EXOC6B: variants seen among roughly 807,000 people sequenced by gnomAD.
EXOC6B encodes SEC15 homolog B.
In EXOC6B, 54 loss-of-function variants were observed where a neutral mutation model predicts 113.5. The observed-to-expected ratio is 0.48, with a 90% CI of 0.38 to 0.60. The LOEUF (loss-of-function observed/expected upper bound fraction) is 0.60. Ranked by LOEUF, EXOC6B falls within the 20% of genes least tolerant of loss-of-function variation. The probability of loss-of-function intolerance (pLI) is 0.00; values close to 1 mark genes in which losing one functional copy is unlikely to be tolerated. For synonymous variants in EXOC6B, 357 were observed against 339.0 expected (o/e 1.05, Z -0.58); for missense variants, 797 against 977.5 (o/e 0.82, Z 2.46).
At chr2:72,456,071 G>A (rs907875877) in intron 18 of EXOC6B, among the ~76,000 whole-genome samples, 14 of 152,114 alleles carry the variant, frequency 9.2e-5, no homozygotes, top group African/African-American at 3.4e-4. Flanking sequence ...AATAGTGACT[G>A]TCCGTATATC....
At chr2:72,203,785 C>T (rs1010663346) in intron 20 of EXOC6B, among the ~76,000 whole-genome samples, 1 of 152,186 alleles carries the variant, frequency 6.6e-6, no homozygotes, top group Non-Finnish European at 1.5e-5. Context: ...CATGTCTGTA[C>T]TGGCCCAGAG....
intron 20 of EXOC6B, among the ~76,000 whole-genome samples, chr2:72,215,683 A>G (rs1308170416): frequency 1.3e-5 from 2 of 152,184 alleles, no homozygotes; most frequent in East Asian, 1.9e-4. Context: ...GCGTACCATG[A>G]GTACAGAACC....
chr2:72,485,696 T>C (rs1429285192), intron 16 of EXOC6B, among the ~76,000 whole-genome samples: 1 of 152,224 alleles, frequency 6.6e-6, no homozygotes, highest in Non-Finnish European at 1.5e-5. Context: ...ACGTGAGCAA[T>C]ATCACTTCTG....
intron 11 of EXOC6B, among the ~76,000 whole-genome samples, chr2:72,510,572 C>T (rs1339536295): frequency 6.6e-6 from 1 of 151,364 alleles, no homozygotes; most frequent in East Asian, 1.9e-4. Context: ...ATTCATCAGA[C>T]ATTAAATGAA....
chr2:72,821,535 C>T (rs1247981245), intron 1 of EXOC6B, among the ~76,000 whole-genome samples: 1 of 152,072 alleles, frequency 6.6e-6, no homozygotes, highest in Non-Finnish European at 1.5e-5. Flanking sequence ...GCCATGGCAG[C>T]ATTGTTCCAC....
intron 19 of EXOC6B, among the ~76,000 whole-genome samples, chr2:72,358,893 C>T (rs1362582554): frequency 6.6e-6 from 1 of 152,158 alleles, no homozygotes; most frequent in Non-Finnish European, 1.5e-5. Flanking sequence ...CTTACTACCT[C>T]AACTCCCTCC....
intron 17 of EXOC6B, among the ~76,000 whole-genome samples, chr2:72,468,795 A>C (rs748088293): frequency 6.6e-6 from 1 of 152,072 alleles, no homozygotes; most frequent in African/African-American, 2.4e-5. Flanking sequence ...TTATTTCTTC[A>C]ATTTTTTCTT....
chr2:72,331,934 C>T (rs1351632369), intron 20 of EXOC6B, among the ~76,000 whole-genome samples: 1 of 151,862 alleles, frequency 6.6e-6, no homozygotes, highest in African/African-American at 2.4e-5. Flanking sequence ...TTTAAATGAC[C>T]GTTATTATAG....
At chr2:72,700,899 C>T (rs1328782498) in intron 6 of EXOC6B, among the ~76,000 whole-genome samples, 2 of 151,598 alleles carry the variant, frequency 1.3e-5, no homozygotes, top group African/African-American at 4.8e-5. Context: ...TGCAGTGAGC[C>T]GAGATGGTGC....
rs117767847 is a variant in EXOC6B, at chr2:72,680,876, A to G, written c.669+37227T>C. 7.6e-4 allele frequency among the ~76,000 whole-genome samples: 115 copies of G among 152,296 alleles called. No individual in the cohort carries two copies. The East Asian group carries it at 0.013, about 17-fold the overall frequency. On this transcript the variant is annotated intron_variant, in intron 6 of 21. Transcript: ENST00000272427. ...GATCAAGTCAATTCTAGGGGAAAAA[A>G]GACAGAAGCAAGCAAACTTAATGGG...
intron 20 of EXOC6B, among the ~76,000 whole-genome samples, chr2:72,249,999 G>A (rs1682907998): frequency 6.6e-6 from 1 of 152,118 alleles, no homozygotes; most frequent in Admixed American, 6.6e-5. Flanking sequence ...GTAGTGACTT[G>A]GCTTATCTCA....
intron 1 of EXOC6B, among the ~76,000 whole-genome samples, chr2:72,773,764 A>G (rs1243778439): frequency 6.6e-6 from 1 of 152,240 alleles, no homozygotes; most frequent in Non-Finnish European, 1.5e-5. Flanking sequence ...AACAGAAGAC[A>G]TCTGGATTCT....
rs117467826 is a variant in EXOC6B, at chr2:72,650,219, G to A, written c.669+67884C>T. On this transcript the variant is annotated intron_variant, in intron 6 of 21. Coordinates refer to ENST00000272427, the MANE Select transcript of EXOC6B (RefSeq NM_015189.3). ...ATCTAAGTTGGAATAGTTTCATCCC[G>A]AAACCATCCCCTACATCAGTTTGTG... 1.3e-4 allele frequency among the ~76,000 whole-genome samples: 20 copies of A among 152,312 alleles called. No individual in the cohort carries two copies. In the East Asian group the frequency reaches 3.1e-3, roughly 24 times the overall value.
At chr2:72,282,200 T>C (rs1168374552) in intron 20 of EXOC6B, among the ~76,000 whole-genome samples, 1 of 152,130 alleles carries the variant, frequency 6.6e-6, no homozygotes, top group Admixed American at 6.6e-5. Flanking sequence ...TGGATACATG[T>C]AAATAAATAT....
At chr2:72,184,543 C>A (rs1231808910) in intron 20 of EXOC6B, among the ~76,000 whole-genome samples, 1 of 152,056 alleles carries the variant, frequency 6.6e-6, no homozygotes, top group Non-Finnish European at 1.5e-5. Flanking sequence ...TTATCAAATG[C>A]CTTCAACATG....
chr2:72,384,002 T>C (rs1228430338), intron 18 of EXOC6B, among the ~76,000 whole-genome samples: 1 of 151,756 alleles, frequency 6.6e-6, no homozygotes, highest in Non-Finnish European at 1.5e-5. Flanking sequence ...TGCTTGAGGG[T>C]GGAAGATGGG....
At chr2:72,309,439 A>T (rs947551550) in intron 20 of EXOC6B, among the ~76,000 whole-genome samples, 7 of 152,170 alleles carry the variant, frequency 4.6e-5, no homozygotes, top group Non-Finnish European at 8.8e-5. Context: ...CCCTTTAAAT[A>T]AAAACAAGAA....
intron 20 of EXOC6B, among the ~76,000 whole-genome samples, chr2:72,274,348 G>A (rs1188697709): frequency 6.6e-6 from 1 of 152,150 alleles, no homozygotes; most frequent in Non-Finnish European, 1.5e-5. Flanking sequence ...TTGGTGTAAA[G>A]ATTCTAGTCC....
At chr2:72,378,452 C>A (rs766688357) in intron 19 of EXOC6B, among the ~76,000 whole-genome samples, 16 of 152,166 alleles carry the variant, frequency 1.1e-4, no homozygotes, top group Non-Finnish European at 2.1e-4. Context: ...GGCAAGATTA[C>A]CTTATGTGTT....
Sources: allele counts gnomAD v4.1 joint callset (sites outside exome capture counted in the v4.1 genomes callset), GRCh38; gene constraint gnomAD v4.1.1; transcripts MANE v1.5; gene names NCBI Gene and HGNC (gene_info 2026-07-23, HGNC 2026-07-21).